The following NWD2 variants were observed in gnomAD, a reference collection of about 807,000 sequenced individuals.
NWD2 encodes the protein NACHT and WD repeat domain-containing protein 2.
Under a neutral mutation model 132.7 loss-of-function variants are expected in NWD2, and 37 were observed. The observed-to-expected ratio is 0.28, with a 90% CI of 0.21 to 0.37. NWD2 has a LOEUF of 0.37. Among genes scored for constraint, NWD2 ranks in the 10% least tolerant of loss-of-function variants. NWD2 has a pLI of 1.00. For synonymous variants in NWD2, 705 were observed against 803.0 expected, an observed-to-expected ratio of 0.88 and a Z score of 2.06; for missense variants, 1,592 against 2,122.4, an observed-to-expected ratio of 0.75 and a Z score of 4.91.
At chr4:37,248,018 G>T (rs1393743092) in intron 1 of NWD2, among the ~76,000 whole-genome samples, 1 of 152,098 alleles carries the variant, frequency 6.6e-6, no homozygotes, top group Non-Finnish European at 1.5e-5. Flanking sequence ...TGGACCAGGG[G>T]TGTTCCATCT....
chr4:37,306,775 C>G (rs963307865), intron 1 of NWD2, among the ~76,000 whole-genome samples: 3 of 152,152 alleles, frequency 2.0e-5, no homozygotes, highest in African/African-American at 7.2e-5. Flanking sequence ...GTAATCCCAG[C>G]ACATTTGGAG....
At chr4:37,369,727 A>AG (rs113579271) in intron 3 of NWD2, among the ~76,000 whole-genome samples, 10 of 152,114 alleles carry the variant, frequency 6.6e-5, no homozygotes, top group South Asian at 2.1e-4. Context: ...CAAAAGGTAG[A>AG]GGGGGGGTCA....
chr4:37,319,856 G>A lies in NWD2; in HGVS notation c.152-6080G>A, dbSNP rs114225167. On this transcript the variant is annotated intron_variant, in intron 1 of 6. Coordinates refer to ENST00000309447, the MANE Select transcript of NWD2 (RefSeq NM_001144990.2). Reference sequence around the variant, plus strand: ...ATGTGCCTGTTTTTGTATCAGTACCGTGCTGTTTGGGTTACTGTAGCCTTA... The same window carrying A: ...ATGTGCCTGTTTTTGTATCAGTACCATGCTGTTTGGGTTACTGTAGCCTTA... Among the ~76,000 whole-genome samples the A allele has an allele frequency of 8.3e-3, 1,262 of 152,086 alleles. 15 individuals carry two copies. The highest frequency in any genetic ancestry group is 0.029 in the African/African-American group (1,194 of 41,504).
At chr4:37,380,087 A>T (rs1428921664) in intron 3 of NWD2, among the ~76,000 whole-genome samples, 1 of 152,260 alleles carries the variant, frequency 6.6e-6, no homozygotes, top group Non-Finnish European at 1.5e-5. Flanking sequence ...TCAAGCACTA[A>T]GCATTTTCTC....
rs183187923 is a variant in NWD2, at chr4:37,415,349, C to T, written c.358-15223C>T. On this transcript the variant is annotated intron_variant, in intron 3 of 6. Transcript: ENST00000309447. Reference sequence around the variant, plus strand: ...ATGAGTGAATGGTCTAGAATTCGTTCATATTCCCCCTTCTCATGTGGAGAA... The same window carrying T: ...ATGAGTGAATGGTCTAGAATTCGTTTATATTCCCCCTTCTCATGTGGAGAA... Among the ~76,000 whole-genome samples, 123 of 152,318 alleles carry T rather than the reference C, an allele frequency of 8.1e-4. No homozygotes were observed. The Middle Eastern group carries it at 0.01, about 13-fold the overall frequency.
intron 3 of NWD2, among the ~76,000 whole-genome samples, chr4:37,384,018 A>G (rs923045565): frequency 6.6e-6 from 1 of 152,130 alleles, no homozygotes; most frequent in African/African-American, 2.4e-5. Context: ...TTACATAGGT[A>G]AACATGTCTC....
chr4:37,247,031 A>G (rs1206402031), intron 1 of NWD2, among the ~76,000 whole-genome samples: 1 of 152,196 alleles, frequency 6.6e-6, no homozygotes, highest in Admixed American at 6.5e-5. Context: ...GATTAACCCT[A>G]GGAAAGCAAA....
At chr4:37,338,235 A>G (rs1289878579) in intron 2 of NWD2, among the ~76,000 whole-genome samples, 2 of 152,232 alleles carry the variant, frequency 1.3e-5, no homozygotes, top group Non-Finnish European at 2.9e-5. Context: ...TTACCTTACA[A>G]ATAAATTGTG....
intron 5 of NWD2, among the ~76,000 whole-genome samples, chr4:37,434,423 AT>A (rs1241919841): frequency 6.6e-6 from 1 of 152,168 alleles, no homozygotes; most frequent in Non-Finnish European, 1.5e-5. Flanking sequence ...CCTGCAACTT[AT>A]TTTTTTAGAG....
At chr4:37,248,042 G>A (rs1435981535) in intron 1 of NWD2, among the ~76,000 whole-genome samples, 2 of 152,186 alleles carry the variant, frequency 1.3e-5, no homozygotes, top group Non-Finnish European at 2.9e-5. Context: ...CTACGGATGA[G>A]ATTACTGAGG....
rs540592762 is a variant in NWD2 at position 37,335,071 on chromosome 4, G to T, written c.240+9047G>T. ...GTTCATCCTCCACAATGTTGCTACG[G>T]TGGTATTTTTAAACACCAATCTGAC... On this transcript the variant is annotated intron_variant, in intron 2 of 6. Transcript: ENST00000309447. Among the ~76,000 whole-genome samples, 37 of 152,146 alleles carry T rather than the reference G, an allele frequency of 2.4e-4. 1 individual carries two copies. The East Asian group carries it at 6.8e-3, about 28-fold the overall frequency.
chr4:37,255,419 G>A (rs1717496079), intron 1 of NWD2, among the ~76,000 whole-genome samples: 1 of 152,170 alleles, frequency 6.6e-6, no homozygotes, highest in Non-Finnish European at 1.5e-5. Flanking sequence ...CCAGATCCAA[G>A]GGAGGGCACA....
In NWD2 at chr4:37,438,263, C is replaced by CA. The variant is rs58024420; in HGVS notation, c.707-525dup. 1.3e-3 allele frequency among the ~76,000 whole-genome samples: 127 copies of CA among 99,062 alleles called. 1 individual carries two copies. Among genetic ancestry groups the CA allele is most frequent in the African/African-American group, 2.5e-3 (58 of 22,850 alleles). The allele number at this position is 99,062 out of a possible 152,430, so 65.0% of individuals were successfully genotyped here. A position where few individuals can be genotyped will look rare whatever the true frequency, so the allele number is the denominator to read the frequency against. Reference sequence around the variant, plus strand: ...GCGACAGAGCGAGACTCCGTCTAAACAAAAAAAAAAAAAGAAAAAAAAATT... The same window carrying CA: ...GCGACAGAGCGAGACTCCGTCTAAACAAAAAAAAAAAAAAGAAAAAAAAATT... On this transcript the variant is annotated intron_variant, in intron 5 of 6. Transcript: ENST00000309447.
chr4:37,405,440 AGAAT>A (rs1393284351), intron 3 of NWD2, among the ~76,000 whole-genome samples: 5 of 77,444 alleles, frequency 6.5e-5, no homozygotes, highest in African/African-American at 2.1e-4. Context: ...AGAATAGAAT[AGAAT>A]AGAATAGAAT....
At chr4:37,307,475 T>A (rs943504564) in intron 1 of NWD2, among the ~76,000 whole-genome samples, 1 of 152,178 alleles carries the variant, frequency 6.6e-6, no homozygotes, top group Non-Finnish European at 1.5e-5. Context: ...GCCTGTAAGG[T>A]TTTTGCTGAG....
At chr4:37,301,750 A>G (rs1313458534) in intron 1 of NWD2, among the ~76,000 whole-genome samples, 1 of 151,854 alleles carries the variant, frequency 6.6e-6, no homozygotes, top group Non-Finnish European at 1.5e-5. Flanking sequence ...CTTATTTTAT[A>G]TTTAAGATAA....
chr4:37,446,470 C>G lies in NWD2; in HGVS notation c.4482C>G (p.Ile1494Met), dbSNP rs766851286. The G allele has an allele frequency of 1.3e-6, 2 of 1,551,694 alleles. No individual in the cohort carries two copies. Among genetic ancestry groups the G allele is most frequent in the Non-Finnish European group, 8.7e-7 (1 of 1,147,012 alleles). Residue 1494 changes from isoleucine (I) to methionine (M), a missense_variant, in exon 7 of 7, where the codon ATC (isoleucine) becomes ATG (methionine). Transcript: ENST00000309447. The surrounding 1 kb of genome is among the most constrained non-coding windows in gnomAD (Gnocchi z 6.7). ...FKLIPDCPDI[I>M]VFITSAETVN... ...TAATCCCTGACTGTCCTGATATCATCGTGTTTATCACATCGGCCGAGACTG... is the reference window on the plus strand; with the variant it reads ...TAATCCCTGACTGTCCTGATATCATGGTGTTTATCACATCGGCCGAGACTG...
At chr4:37,311,987 T>C (rs1344079846) in intron 1 of NWD2, among the ~76,000 whole-genome samples, 7 of 150,906 alleles carry the variant, frequency 4.6e-5, no homozygotes, top group Non-Finnish European at 1.0e-4. Context: ...CATTGATCTA[T>C]ATCTCTGTTT....
chr4:37,252,677 T>G (rs1717401664), intron 1 of NWD2, among the ~76,000 whole-genome samples: 2 of 152,288 alleles, frequency 1.3e-5, no homozygotes, highest in South Asian at 4.1e-4. Flanking sequence ...CAGGCTTCAT[T>G]TACATGTCTG....
Sources: gnomAD v4.1 joint callset for allele counts (sites outside exome capture counted in the v4.1 genomes callset) on GRCh38, gnomAD v4.1.1 for gene constraint, Gnocchi (gnomAD v3.1) non-coding constraint, MANE v1.5 for transcripts, NCBI Gene and HGNC (gene_info 2026-07-23, HGNC 2026-07-21) for gene names.